The following RAB11FIP3 variants were observed in gnomAD, a reference collection of about 807,000 sequenced individuals.
The protein encoded by RAB11FIP3 is RAB11 family interacting protein 3, also known as rab11 family-interacting protein 3.
RAB11FIP3 carries 17 observed loss-of-function variants against 77.8 expected under a neutral mutation model. The observed-to-expected ratio is 0.22, with a 90% CI of 0.15 to 0.33. The LOEUF is 0.33. Among genes scored for constraint, RAB11FIP3 ranks in the 10% least tolerant of loss-of-function variants. The pLI, the probability that RAB11FIP3 is intolerant of heterozygous loss-of-function variation, is 1.00. For missense variants in RAB11FIP3, 1,005 were observed against 1,011.2 expected (o/e 0.99, Z 0.08); for synonymous variants, 437 against 448.2 (o/e 0.98, Z 0.31).
intron 5 of RAB11FIP3, among the ~76,000 whole-genome samples, chr16:495,553 G>C (rs1385422148): frequency 3.9e-5 from 6 of 152,232 alleles, no homozygotes; most frequent in Non-Finnish European, 2.9e-5. Flanking sequence ...GCCCTGCAGA[G>C]AGTGGTCAGA....
At chr16:428,986 G>T (rs1452405224) in intron 1 of RAB11FIP3, among the ~76,000 whole-genome samples, 1 of 152,086 alleles carries the variant, frequency 6.6e-6, no homozygotes. Context: ...ATCTCCTGTG[G>T]TATTACTCCT....
intron 5 of RAB11FIP3, 95 bp downstream of exon 5, chr16:489,095 A>AG: frequency 7.4e-7 from 1 of 1,356,948 alleles, no homozygotes; most frequent in African/African-American, 1.5e-5. Context: ...TGGTGAGAGA[A>AG]CTTGCTTTCC....
intron 1 of RAB11FIP3, among the ~76,000 whole-genome samples, chr16:429,119 G>A (rs886382413): frequency 6.6e-6 from 1 of 152,068 alleles, no homozygotes; most frequent in African/African-American, 2.4e-5. Flanking sequence ...TTACTGTTTG[G>A]CAACAGATAA....
At chr16:492,963 G>T (rs745315440) in intron 5 of RAB11FIP3, among the ~76,000 whole-genome samples, 2 of 152,124 alleles carry the variant, frequency 1.3e-5, no homozygotes, top group Non-Finnish European at 2.9e-5. Flanking sequence ...ACTCTATGAA[G>T]CGGGCCAGGC....
At chr16:458,847 T>C (rs965194479) in intron 1 of RAB11FIP3, among the ~76,000 whole-genome samples, 1 of 152,198 alleles carries the variant, frequency 6.6e-6, no homozygotes, top group Admixed American at 6.5e-5. Context: ...TCTCTTTTTC[T>C]CTTTTGCTGT....
At chr16:483,510 C>G (rs2056087996) in intron 4 of RAB11FIP3, among the ~76,000 whole-genome samples, 1 of 152,192 alleles carries the variant, frequency 6.6e-6, no homozygotes, top group African/African-American at 2.4e-5. Flanking sequence ...ACATTCCAGC[C>G]TGACTCTAGT....
chr16:480,337 A>T (rs1287604909), intron 3 of RAB11FIP3, among the ~76,000 whole-genome samples: 1 of 146,594 alleles, frequency 6.8e-6, no homozygotes, highest in Non-Finnish European at 1.5e-5. Flanking sequence ...TTTTATTTTC[A>T]TTTTTGAAAT....
chr16:518,913 G>A (rs2032540125), intron 9 of RAB11FIP3, 30 bp from the exon 10 acceptor site: 1 of 1,611,732 alleles, frequency 6.2e-7, no homozygotes, highest in South Asian at 1.1e-5. Context: ...GCTTCCTGGA[G>A]TGAGTTTCAG....
intron 6 of RAB11FIP3, chr16:497,228 G>C (rs1462200576): frequency 1.6e-6 from 2 of 1,286,504 alleles, no homozygotes; most frequent in African/African-American, 1.5e-5. Flanking sequence ...AGCTCCCCAA[G>C]GTGAGTCGAA....
chr16:452,349 A>G (rs960483816), intron 1 of RAB11FIP3: 2 of 152,088 alleles, frequency 1.3e-5, no homozygotes, highest in African/African-American at 4.8e-5. Flanking sequence ...AAGGAAACAA[A>G]AAAAAGCCAC....
At position 493,350 on chromosome 16, in the gene RAB11FIP3, T is replaced by C. The variant is rs575023605; in HGVS notation, c.1266-3474T>C. The stretch of plus-strand genomic sequence containing the variant: ...ACTGCCAGTCAGAACATCCTCCCCA[T>C]AACCCTTAGTGGAGGAGATCTGAAT... On this transcript the variant is annotated intron_variant, in intron 5 of 13. Transcript: ENST00000262305. Among the ~76,000 whole-genome samples, 17 of 151,234 alleles carry C rather than the reference T, an allele frequency of 1.1e-4. 1 individual carries two copies. The highest frequency in any genetic ancestry group is 2.0e-4 in the Admixed American group (3 of 15,196).
intron 1 of RAB11FIP3, among the ~76,000 whole-genome samples, chr16:459,431 C>CTTTT (rs56705738): frequency 1.7e-5 from 2 of 117,444 alleles, no homozygotes; most frequent in African/African-American, 6.5e-5. Context: ...CAGCTTCAAA[C>CTTTT]TTTTTTTTTT....
chr16:477,721 C>A, intron 3 of RAB11FIP3: 1 of 958,676 alleles, frequency 1.0e-6, no homozygotes, highest in Non-Finnish European at 1.2e-6. Flanking sequence ...ACAGTGGATG[C>A]TCTTGAGGAA....
At chr16:467,400 G>A (rs2055720278) in intron 2 of RAB11FIP3, among the ~76,000 whole-genome samples, 1 of 147,338 alleles carries the variant, frequency 6.8e-6, no homozygotes, top group Non-Finnish European at 1.5e-5. Flanking sequence ...GGGCGTCAGG[G>A]AGGAGGTGCA....
At chr16:519,173 A>G in intron 10 of RAB11FIP3, 149 bp downstream of exon 10, 1 of 777,818 alleles carries the variant, frequency 1.3e-6, no homozygotes, top group Non-Finnish European at 2.1e-6. Flanking sequence ...AGGCCGCTGG[A>G]AGACACTGGA....
chr16:456,257 C>T (rs1477636607), intron 1 of RAB11FIP3, among the ~76,000 whole-genome samples: 1 of 151,894 alleles, frequency 6.6e-6, no homozygotes, highest in Admixed American at 6.6e-5. Context: ...CGAGACCAGC[C>T]TGGGCAACAT....
chr16:442,398 G>A (rs2055242795), intron 1 of RAB11FIP3, among the ~76,000 whole-genome samples: 1 of 152,192 alleles, frequency 6.6e-6, no homozygotes, highest in Non-Finnish European at 1.5e-5. Context: ...ATTCAACTGA[G>A]GTCTTTTGTT....
intron 9 of RAB11FIP3, among the ~76,000 whole-genome samples, chr16:515,991 T>G (rs1485515215): frequency 1.3e-5 from 2 of 151,850 alleles, no homozygotes; most frequent in Non-Finnish European, 2.9e-5. Flanking sequence ...GACGAACACC[T>G]GAGGCCAGGG....
rs62033162 is a variant in RAB11FIP3, at chr16:436,721, C to T, written c.714+10001C>T. Among the ~76,000 whole-genome samples, 512 of 152,226 alleles carry T rather than the reference C, an allele frequency of 3.4e-3. 2 individuals carry two copies. The highest frequency in any genetic ancestry group is 4.9e-3 in the Non-Finnish European group (336 of 68,024). On this transcript the variant is annotated intron_variant, in intron 1 of 13. Transcript: ENST00000262305. ...CTAAGCTCAAAGGATCTGCCCACCT[C>T]GGCGTCCGAAAGTGCTGGGATTACA...
Sources: allele counts gnomAD v4.1 joint callset (sites outside exome capture counted in the v4.1 genomes callset), GRCh38; gene constraint gnomAD v4.1.1; transcripts MANE v1.5; gene names NCBI Gene and HGNC (gene_info 2026-07-23, HGNC 2026-07-21).